The following GMEB2 variants were observed in gnomAD, a reference collection of about 807,000 sequenced individuals.
The protein encoded by GMEB2 is glucocorticoid modulatory element binding protein 2.
In GMEB2, 7 loss-of-function variants were observed where a neutral mutation model predicts 45.7. The ratio of observed to expected loss-of-function variants is 0.15; its 90% CI spans 0.09 to 0.29. The LOEUF is 0.29. GMEB2 is among the 10% of genes least tolerant of loss of function. GMEB2 has a pLI of 1.00. For missense variants in GMEB2, 582 were observed against 739.2 expected, an observed-to-expected ratio of 0.79 and a Z score of 2.47; for synonymous variants, 322 against 323.6, an observed-to-expected ratio of 1.00 and a Z score of 0.05.
intron 5 of GMEB2, among the ~76,000 whole-genome samples, 169 bp downstream of exon 5, chr20:63,597,588 G>A (rs2083209505): frequency 6.6e-6 from 1 of 152,204 alleles, no homozygotes; most frequent in Admixed American, 6.5e-5. Flanking sequence ...GAGTGTGGGA[G>A]ACGGGTTTAC....
intron 2 of GMEB2, among the ~76,000 whole-genome samples, chr20:63,615,067 C>G (rs1482534753): frequency 6.6e-6 from 1 of 152,132 alleles, no homozygotes; most frequent in Non-Finnish European, 1.5e-5. Flanking sequence ...GAAAACCCAC[C>G]AACCCTGTGG....
At chr20:63,605,119 T>C (rs558658396) in intron 2 of GMEB2, among the ~76,000 whole-genome samples, 2 of 152,002 alleles carry the variant, frequency 1.3e-5, no homozygotes, top group East Asian at 3.9e-4. Context: ...CTGGACATGG[T>C]GGTACATGCC....
In GMEB2 at chr20:63,595,630, A is replaced by G. The variant is rs2083190679; in HGVS notation, c.599T>C (p.Leu200Pro). ...SSPTSAEYIP[L>P]TPAAADVNGS... The stretch of plus-strand genomic sequence containing the variant: ...CCTACCGTCGGCTGCGGCGGGCGTG[A>G]GGGGAATGTACTCGGCCGACGTGGG... The change falls in exon 6 of 10, where the codon CTC becomes CCC. Residue 200 changes from leucine (L) to proline (P), a missense_variant. This residue lies in a region of GMEB2 where 462 missense variants were observed against 586.7 expected (regional missense o/e 0.79). Transcript: ENST00000370077. 6.2e-7 allele frequency: 1 copy of G among 1,611,166 alleles called. No individual in the cohort carries two copies. Among genetic ancestry groups the G allele is most frequent in the Non-Finnish European group, 8.5e-7 (1 of 1,179,142 alleles).
At chr20:63,600,930 T>C (rs2083237357) in intron 4 of GMEB2, among the ~76,000 whole-genome samples, 1 of 152,114 alleles carries the variant, frequency 6.6e-6, no homozygotes, top group Non-Finnish European at 1.5e-5. Flanking sequence ...AGGGGAGGTC[T>C]GTCCCGAGCC....
At chr20:63,602,776 C>T (rs2083250894) in intron 4 of GMEB2, among the ~76,000 whole-genome samples, 189 bp downstream of exon 4, 1 of 152,102 alleles carries the variant, frequency 6.6e-6, no homozygotes, top group Non-Finnish European at 1.5e-5. Context: ...GAGGGCCTCC[C>T]AGCCTCCCTG....
intron 2 of GMEB2, among the ~76,000 whole-genome samples, chr20:63,607,573 C>T (rs1169281148): frequency 9.0e-5 from 3 of 33,174 alleles, no homozygotes; most frequent in African/African-American, 2.2e-4. Flanking sequence ...CCCCTCTGAC[C>T]CCACCTCCAT....
intron 4 of GMEB2, among the ~76,000 whole-genome samples, chr20:63,598,343 GACACACAC>G (rs67747559): frequency 5.5e-5 from 8 of 146,052 alleles, no homozygotes; most frequent in East Asian, 2.0e-4. Flanking sequence ...CTCTCACTCT[GACACACAC>G]ACACACACAC....
chr20:63,622,893 G>A (rs994855734), intron 1 of GMEB2, among the ~76,000 whole-genome samples: 4 of 152,216 alleles, frequency 2.6e-5, no homozygotes, highest in African/African-American at 4.8e-5. Flanking sequence ...GACCCCGCAC[G>A]CGTTACTGAC....
intron 1 of GMEB2, among the ~76,000 whole-genome samples, chr20:63,621,667 CAAAAA>C (rs56222018): frequency 9.2e-5 from 5 of 54,638 alleles, no homozygotes; most frequent in African/African-American, 3.3e-4. Flanking sequence ...AACTCCATCT[CAAAAA>C]AAAAAAAAAA....
chr20:63,606,777 C>T (rs1167401714), intron 2 of GMEB2, among the ~76,000 whole-genome samples: 1 of 152,222 alleles, frequency 6.6e-6, no homozygotes, highest in Non-Finnish European at 1.5e-5. Flanking sequence ...AATGTCACAA[C>T]ACAACAGGGA....
chr20:63,626,740 A>G (rs1362436602), intron 1 of GMEB2, among the ~76,000 whole-genome samples: 1 of 147,362 alleles, frequency 6.8e-6, no homozygotes, highest in Non-Finnish European at 1.5e-5. Context: ...GGAGGCAGGA[A>G]GCGCCGCCGC....
At chr20:63,598,392 G>C (rs1881215899) in intron 4 of GMEB2, among the ~76,000 whole-genome samples, 1 of 150,378 alleles carries the variant, frequency 6.6e-6, no homozygotes, top group African/African-American at 2.4e-5. Context: ...TTCTAAGCCA[G>C]GGGAACCCTC....
At chr20:63,601,089 C>T (rs191595959) in intron 4 of GMEB2, among the ~76,000 whole-genome samples, 3 of 152,272 alleles carry the variant, frequency 2.0e-5, no homozygotes, top group Admixed American at 1.3e-4. Flanking sequence ...CCCCATCATT[C>T]CTCCCATGCT....
In GMEB2 at chr20:63,592,290, A is replaced by T; in HGVS notation, c.830-146T>A. ...GCTCTTCCTAGAGAGTGAGAACACC[A>T]CCACTGAGGCTGCTCCTCAGGAACC... On this transcript the variant is annotated intron_variant, in intron 8 of 9. Coordinates refer to ENST00000370077, the MANE Select transcript of GMEB2 (RefSeq NM_012384.5). This position sits in a 1 kb window ranked among gnomAD's most constrained non-coding sequence, Gnocchi z 8.2. 1 of 782,904 alleles carries T rather than the reference A, an allele frequency of 1.3e-6. No individual in the cohort carries two copies. Among genetic ancestry groups the T allele is most frequent in the Non-Finnish European group, 2.0e-6 (1 of 495,854 alleles). 48.5% of individuals were successfully genotyped at this position (782,904 alleles called of 1,614,324 possible). A position where few individuals can be genotyped will look rare whatever the true frequency, so the allele number is the denominator to read the frequency against.
chr20:63,625,485 C>T (rs1454795099), intron 1 of GMEB2, among the ~76,000 whole-genome samples: 1 of 152,044 alleles, frequency 6.6e-6, no homozygotes, highest in African/African-American at 2.4e-5. Context: ...TCCACAGCCC[C>T]TTCTGTGTTG....
intron 4 of GMEB2, among the ~76,000 whole-genome samples, chr20:63,598,529 C>G (rs758314515): frequency 6.6e-6 from 1 of 152,212 alleles, no homozygotes; most frequent in Non-Finnish European, 1.5e-5. Context: ...ACTTAGAAAA[C>G]AAGCAGGCTG....
At chr20:63,609,586 C>CT (rs2089552550) in intron 2 of GMEB2, among the ~76,000 whole-genome samples, 2 of 17,838 alleles carry the variant, frequency 1.1e-4, no homozygotes, top group Non-Finnish European at 4.4e-4. Context: ...CCCCTCTGAC[C>CT]CACCTCCATT....
At chr20:63,623,326 G>C (rs536367695) in intron 1 of GMEB2, among the ~76,000 whole-genome samples, 186 of 152,202 alleles carry the variant, frequency 1.2e-3, no homozygotes, top group African/African-American at 4.4e-3. Flanking sequence ...TTCCCATTAG[G>C]GCATCAGGGT....
intron 4 of GMEB2, among the ~76,000 whole-genome samples, chr20:63,598,221 C>T (rs1052596674): frequency 2.6e-5 from 4 of 152,160 alleles, no homozygotes; most frequent in Non-Finnish European, 5.9e-5. Flanking sequence ...TTATTGCATA[C>T]GTTACATCGC....
Sources: allele counts gnomAD v4.1 joint callset (sites outside exome capture counted in the v4.1 genomes callset), GRCh38; gene constraint gnomAD v4.1.1; regional missense constraint gnomAD v4.1.1; non-coding constraint Gnocchi (gnomAD v3.1); transcripts MANE v1.5; gene names NCBI Gene and HGNC (gene_info 2026-07-23, HGNC 2026-07-21).